Variants in GRID2 observed in about 807,000 individuals in gnomAD.
The protein encoded by GRID2 is glutamate ionotropic receptor delta type subunit 2, also known as glutamate receptor ionotropic, delta-2.
Under a neutral mutation model 114.8 loss-of-function variants are expected in GRID2, and 33 were observed. The ratio of observed to expected loss-of-function variants is 0.29; its 90% CI spans 0.22 to 0.38. The LOEUF is 0.38. Ranked by LOEUF, GRID2 falls within the 10% of genes least tolerant of loss-of-function variation. The pLI is 1.00. For synonymous variants in GRID2, 505 were observed against 449.9 expected, an observed-to-expected ratio of 1.12 and a Z score of -1.55; for missense variants, 1,184 against 1,257.7, an observed-to-expected ratio of 0.94 and a Z score of 0.89.
chr4:93,309,936 A>G (rs1419092578), intron 8 of GRID2, among the ~76,000 whole-genome samples: 1 of 152,126 alleles, frequency 6.6e-6, no homozygotes, highest in Non-Finnish European at 1.5e-5. Flanking sequence ...TGCTTTATTA[A>G]TTGTTTATAC....
chr4:93,170,370 C>A (rs900349877), intron 4 of GRID2, among the ~76,000 whole-genome samples: 1 of 152,178 alleles, frequency 6.6e-6, no homozygotes, highest in Non-Finnish European at 1.5e-5. Flanking sequence ...AGGCATGAAC[C>A]ACTGTGCTGG....
At chr4:92,956,113 C>A (rs958169598) in intron 2 of GRID2, among the ~76,000 whole-genome samples, 1 of 152,174 alleles carries the variant, frequency 6.6e-6, no homozygotes, top group Non-Finnish European at 1.5e-5. Flanking sequence ...CAAAACTGAG[C>A]AGAAGTTACA....
chr4:92,693,803 A>G (rs558342214), intron 2 of GRID2, among the ~76,000 whole-genome samples: 5 of 152,252 alleles, frequency 3.3e-5, no homozygotes, highest in Non-Finnish European at 7.3e-5. Context: ...TTACTATGTT[A>G]AAATACTCTG....
rs1267413283 is a variant in GRID2, at chr4:93,608,018, C to A, written c.2194-18251C>A. ...CATACAAAGCTACTTTTAAATGCTT[C>A]ATATAAACCAAATGTCTAACTTTAC... On this transcript the variant is annotated intron_variant, in intron 13 of 15. Coordinates refer to ENST00000282020, the MANE Select transcript of GRID2 (RefSeq NM_001510.4). 4.0e-5 allele frequency among the ~76,000 whole-genome samples: 6 copies of A among 149,662 alleles called. No homozygotes were observed. In the East Asian group the frequency reaches 1.2e-3, roughly 29 times the overall value.
chr4:93,527,926 T>C (rs867803925), intron 13 of GRID2, among the ~76,000 whole-genome samples: 1 of 152,094 alleles, frequency 6.6e-6, no homozygotes, highest in African/African-American at 2.4e-5. Context: ...AATTTGAACA[T>C]TCTAGGTATC....
intron 4 of GRID2, among the ~76,000 whole-genome samples, chr4:93,115,092 TTGTGTGTGTGTGTGTG>T (rs546827152): frequency 2.1e-5 from 3 of 142,692 alleles, no homozygotes; most frequent in Admixed American, 1.4e-4. Context: ...CTGTGTGTGC[TTGTGTGTGTGTGTGTG>T]TGTGTGTGTG....
chr4:93,560,883 T>C (rs567728237), intron 13 of GRID2, among the ~76,000 whole-genome samples: 5 of 152,062 alleles, frequency 3.3e-5, no homozygotes, highest in Non-Finnish European at 5.9e-5. Flanking sequence ...TTCAATGCTT[T>C]TGTGTTTGTA....
intron 1 of GRID2, among the ~76,000 whole-genome samples, chr4:92,307,248 A>G (rs1725455119): frequency 1.3e-5 from 2 of 152,246 alleles, no homozygotes; most frequent in Non-Finnish European, 2.9e-5. Context: ...TGTGAGAAAT[A>G]TGTTTCTGGG....
At chr4:92,501,974 GA>G (rs1327266538) in intron 1 of GRID2, among the ~76,000 whole-genome samples, 1 of 151,930 alleles carries the variant, frequency 6.6e-6, no homozygotes, top group Non-Finnish European at 1.5e-5. Context: ...TTTCCTTCTT[GA>G]ATCATGGTAA....
At chr4:93,046,927 C>T (rs1726195387) in intron 2 of GRID2, among the ~76,000 whole-genome samples, 1 of 151,822 alleles carries the variant, frequency 6.6e-6, no homozygotes, top group Non-Finnish European at 1.5e-5. Context: ...CTACTCCTAT[C>T]TCAAAGAAAA....
chr4:92,629,778 CTT>C (rs199622998), intron 2 of GRID2, among the ~76,000 whole-genome samples: 3 of 140,026 alleles, frequency 2.1e-5, no homozygotes, highest in South Asian at 2.2e-4. Flanking sequence ...TATGTTTTTT[CTT>C]TTTTTTTTTT....
intron 9 of GRID2, among the ~76,000 whole-genome samples, chr4:93,419,763 C>T (rs1768082459): frequency 6.6e-6 from 1 of 151,736 alleles, no homozygotes; most frequent in Non-Finnish European, 1.5e-5. Flanking sequence ...GATCTGTTTG[C>T]CTAGAGATTT....
intron 4 of GRID2, among the ~76,000 whole-genome samples, chr4:93,164,251 T>A (rs975346358): frequency 1.3e-5 from 2 of 151,996 alleles, no homozygotes; most frequent in East Asian, 3.9e-4. Context: ...GCGACATAAA[T>A]AGATTTTAAG....
chr4:93,041,113 T>G (rs1725475998), intron 2 of GRID2, among the ~76,000 whole-genome samples: 1 of 152,062 alleles, frequency 6.6e-6, no homozygotes, highest in Non-Finnish European at 1.5e-5. Flanking sequence ...ATAAATAAAA[T>G]ATTATTAGTG....
chr4:92,565,990 G>A (rs552483058), intron 1 of GRID2, among the ~76,000 whole-genome samples: 1 of 152,070 alleles, frequency 6.6e-6, no homozygotes, highest in Admixed American at 6.6e-5. Context: ...CCTAGGTTGA[G>A]TTTACCTATA....
intron 1 of GRID2, among the ~76,000 whole-genome samples, chr4:92,505,789 A>G (rs190887262): frequency 8.5e-5 from 13 of 152,186 alleles, no homozygotes; most frequent in Middle Eastern, 3.4e-3. Context: ...TGCAATGTAT[A>G]TCTTTAATCC....
Position 92,698,198 on chromosome 4 carries a change from C to T in GRID2, c.244+107912C>T, listed in dbSNP as rs116444086. Among the ~76,000 whole-genome samples the T allele has an allele frequency of 4.4e-3, 665 of 152,120 alleles. 3 individuals carry two copies. The highest frequency in any genetic ancestry group is 0.015 in the African/African-American group (620 of 41,486). The stretch of plus-strand genomic sequence containing the variant: ...TTGGCATATGTGACAAGCAGAGTAA[C>T]GAGTGCCATAATAAATGAAATTAAT... On this transcript the variant is annotated intron_variant, in intron 2 of 15. Transcript: ENST00000282020.
At chr4:92,724,259 A>T (rs1037565134) in intron 2 of GRID2, among the ~76,000 whole-genome samples, 14 of 152,092 alleles carry the variant, frequency 9.2e-5, no homozygotes, top group African/African-American at 3.4e-4. Flanking sequence ...TCTGAGAATA[A>T]AATATTTCCA....
chr4:92,917,571 C>G (rs1578464943), intron 2 of GRID2, among the ~76,000 whole-genome samples: 1 of 152,162 alleles, frequency 6.6e-6, no homozygotes, highest in African/African-American at 2.4e-5. Flanking sequence ...TTTGAGCTTT[C>G]TACATATGGC....
Sources: gnomAD v4.1 joint callset for allele counts (sites outside exome capture counted in the v4.1 genomes callset) on GRCh38, gnomAD v4.1.1 for gene constraint, MANE v1.5 for transcripts, NCBI Gene and HGNC (gene_info 2026-07-23, HGNC 2026-07-21) for gene names.